Variants in TRIM43B observed in about 807,000 individuals in gnomAD.
TRIM43B encodes tripartite motif containing 43B, also known as tripartite motif-containing protein 43B.
A neutral mutation model predicts 27.0 loss-of-function variants in TRIM43B; 15 were observed. That is an observed-to-expected ratio of 0.55 (90% CI 0.37 to 0.85). The LOEUF (loss-of-function observed/expected upper bound fraction) is 0.85, where lower values mean the gene tolerates loss of function less well. Among genes scored for constraint, TRIM43B ranks in the 40% least tolerant of loss-of-function variants. TRIM43B has a pLI of 0.00. For synonymous variants in TRIM43B, 69 were observed against 97.8 expected (o/e 0.71, Z 1.74); for missense variants, 172 against 289.8 (o/e 0.59, Z 2.95).
intron 1 of TRIM43B, among the ~76,000 whole-genome samples, chr2:95,483,785 G>T (rs1189999664): frequency 6.6e-6 from 1 of 151,942 alleles, no homozygotes; most frequent in African/African-American, 2.4e-5. Context: ...CCGAGATAGT[G>T]CCACAGCACT....
chr2:95,481,785 A>G (rs1683531526), intron 2 of TRIM43B, 95 bp from the exon 3 acceptor site: 1 of 1,338,864 alleles, frequency 7.5e-7, no homozygotes, highest in Non-Finnish European at 1.0e-6. Flanking sequence ...ATATAAATAC[A>G]TTAGTGAGAG....
At chr2:95,481,628 T>C (rs760824293) in exon 3 of TRIM43B, 2 of 1,612,640 alleles carry the variant, frequency 1.2e-6, no homozygotes, top group African/African-American at 1.3e-5. Flanking sequence ...TCTCCTCATA[T>C]AGATTTCTCT....
At chr2:95,484,287 G>T (rs548724835) in intron 1 of TRIM43B, among the ~76,000 whole-genome samples, 3 of 152,014 alleles carry the variant, frequency 2.0e-5, no homozygotes, top group East Asian at 1.9e-4. Flanking sequence ...CTGAAGAATC[G>T]TTTGAACCTG....
intron 3 of TRIM43B, 58 bp from the exon 4 acceptor site, chr2:95,480,593 C>A: frequency 1.9e-6 from 3 of 1,593,616 alleles, no homozygotes; most frequent in East Asian, 2.3e-5. Context: ...CCTCACAGAG[C>A]CCACAACTTC....
intron 1 of TRIM43B, among the ~76,000 whole-genome samples, chr2:95,482,967 A>T (rs775934766): frequency 2.6e-4 from 40 of 152,120 alleles, no homozygotes; most frequent in Non-Finnish European, 4.3e-4. Flanking sequence ...GCATGGAAGA[A>T]TGTCGGATTT....
At chr2:95,481,273 C>G (rs1284025784) in intron 3 of TRIM43B, among the ~76,000 whole-genome samples, 2 of 152,036 alleles carry the variant, frequency 1.3e-5, no homozygotes, top group Non-Finnish European at 2.9e-5. Flanking sequence ...ACCATATTCA[C>G]CAATAAATGC....
intron 1 of TRIM43B, among the ~76,000 whole-genome samples, chr2:95,484,326 C>A (rs1683602000): frequency 6.6e-6 from 1 of 151,896 alleles, no homozygotes; most frequent in Admixed American, 6.6e-5. Context: ...GAGCCAAGAG[C>A]GCCGCCGCAC....
intron 3 of TRIM43B, among the ~76,000 whole-genome samples, 183 bp downstream of exon 3, chr2:95,481,412 T>C (rs1683519830): frequency 6.6e-6 from 1 of 152,166 alleles, no homozygotes; most frequent in African/African-American, 2.4e-5. Flanking sequence ...TTTTTACTTA[T>C]CTGAAAAGCA....
At chr2:95,480,722 T>C (rs1683506567) in intron 3 of TRIM43B, among the ~76,000 whole-genome samples, 187 bp from the exon 4 acceptor site, 1 of 152,024 alleles carries the variant, frequency 6.6e-6, no homozygotes, top group African/African-American at 2.4e-5. Context: ...AAAAAGCCCT[T>C]TAGGTTTAAA....
intron 3 of TRIM43B, among the ~76,000 whole-genome samples, chr2:95,481,217 C>G (rs1683515630): frequency 6.6e-6 from 1 of 152,088 alleles, no homozygotes; most frequent in Non-Finnish European, 1.5e-5. Context: ...AGCACAGGCA[C>G]ATTTCTTAAA....
rs115409058 is a variant in TRIM43B, at chr2:95,481,343, A to G, written c.507+252T>C. Among the ~76,000 whole-genome samples the G allele has an allele frequency of 2.1e-3, 322 of 152,180 alleles. 3 individuals carry two copies. Among genetic ancestry groups the G allele is most frequent in the African/African-American group, 7.4e-3 (306 of 41,556 alleles). On this transcript the variant is annotated intron_variant, in intron 3 of 6. Transcript: ENST00000639673. ...TTTCATAATTCATTTTATACAGAAA[A>G]CTGTCTGAAATACTTATTAATTTTA... is the stretch of plus-strand genomic sequence containing the variant.
exon 2 of TRIM43B, chr2:95,482,557 G>C: frequency 6.2e-7 from 1 of 1,612,692 alleles, no homozygotes; most frequent in Non-Finnish European, 8.5e-7. Flanking sequence ...CCTGCATGCA[G>C]GGCAGTTTGC....
intron 4 of TRIM43B, 107 bp downstream of exon 4, chr2:95,480,198 C>A (rs546325694): frequency 2.7e-6 from 4 of 1,482,292 alleles, no homozygotes; most frequent in Non-Finnish European, 3.6e-6. Flanking sequence ...ATGACTCTCA[C>A]CGTCAGTGCA....
intron 1 of TRIM43B, among the ~76,000 whole-genome samples, chr2:95,484,134 G>T (rs1460042066): frequency 6.6e-6 from 1 of 150,982 alleles, no homozygotes; most frequent in Non-Finnish European, 1.5e-5. Flanking sequence ...ACTTTCAGAG[G>T]CCGAGGTGAA....
chr2:95,481,747 A>G (rs1214895310), intron 2 of TRIM43B, 57 bp from the exon 3 acceptor site: 7 of 1,572,052 alleles, frequency 4.5e-6, no homozygotes, highest in Admixed American at 1.8e-5. Flanking sequence ...CCACCATCTG[A>G]GTGGTATAAG....
chr2:95,481,635 C>A (rs1229001438), exon 3 of TRIM43B: 1 of 1,612,598 alleles, frequency 6.2e-7, no homozygotes, highest in African/African-American at 1.3e-5. Flanking sequence ...ATATAGATTT[C>A]TCTGATTTTC....
At chr2:95,484,067 T>C (rs868595507) in intron 1 of TRIM43B, among the ~76,000 whole-genome samples, 1 of 109,510 alleles carries the variant, frequency 9.1e-6, no homozygotes, top group Middle Eastern at 4.3e-3. Context: ...TTATATAAAT[T>C]TAAAAAAAAA....
intron 3 of TRIM43B, among the ~76,000 whole-genome samples, chr2:95,480,972 C>T (rs559562046): frequency 5.1e-4 from 78 of 151,920 alleles, no homozygotes; most frequent in East Asian, 2.9e-3. Flanking sequence ...TCTCTCAAAC[C>T]GACTACCTCT....
intron 1 of TRIM43B, among the ~76,000 whole-genome samples, chr2:95,483,536 A>T (rs1020769977): frequency 6.6e-6 from 1 of 151,840 alleles, no homozygotes; most frequent in African/African-American, 2.4e-5. Context: ...CAGGCACTAG[A>T]GGCCGGGCAC....
Sources: gnomAD v4.1 joint callset for allele counts (sites outside exome capture counted in the v4.1 genomes callset) on GRCh38, gnomAD v4.1.1 for gene constraint, MANE v1.5 for transcripts, NCBI Gene and HGNC (gene_info 2026-07-23, HGNC 2026-07-21) for gene names.